Variants in CCDC3 observed in about 807,000 individuals in gnomAD.
CCDC3 encodes the protein coiled-coil domain containing 3.
Under a neutral mutation model 21.4 loss-of-function variants are expected in CCDC3, and 24 were observed. The observed-to-expected ratio is 1.12, with a 90% confidence interval of 0.81 to 1.58. The LOEUF (loss-of-function observed/expected upper bound fraction) is 1.58. Ranked by LOEUF, CCDC3 falls within the 40% of genes most tolerant of loss-of-function variation. CCDC3 has a pLI of 0.00. For synonymous variants in CCDC3, 186 were observed against 166.0 expected, an observed-to-expected ratio of 1.12 and a Z score of -0.93; for missense variants, 425 against 360.9, an observed-to-expected ratio of 1.18 and a Z score of -1.44.
chr10:13,012,896 A>C (rs1836000256), intron 5 of CCDC3, among the ~76,000 whole-genome samples: 1 of 152,216 alleles, frequency 6.6e-6, no homozygotes, highest in Non-Finnish European at 1.5e-5. Flanking sequence ...GTGTACCCTG[A>C]ACCTAAAAAT....
upstream of CCDC3, among the ~76,000 whole-genome samples, chr10:13,003,808 G>C (rs531802890): frequency 1.3e-5 from 2 of 152,250 alleles, no homozygotes; most frequent in African/African-American, 4.8e-5. Flanking sequence ...TTTTTCTCTT[G>C]TTGTATAAAC....
intron 2 of CCDC3, among the ~76,000 whole-genome samples, chr10:12,959,300 T>C (rs777232081): frequency 4.6e-5 from 7 of 152,142 alleles, no homozygotes; most frequent in East Asian, 1.9e-4. Context: ...CCCGACTAGC[T>C]GGGATTATAG....
chr10:13,094,276 GAT>G (rs1832607953), intron 3 of CCDC3, among the ~76,000 whole-genome samples: 1 of 151,686 alleles, frequency 6.6e-6, no homozygotes, highest in African/African-American at 2.4e-5. Context: ...TGATGATGAT[GAT>G]GATGATGATG....
rs1835502168 is a variant in CCDC3 at position 12,981,839 on chromosome 10, G to A, written c.549+16499C>T. Among the ~76,000 whole-genome samples, 3 of 151,920 alleles carry A rather than the reference G, an allele frequency of 2.0e-5. No individual in the cohort carries two copies. In the South Asian group the frequency reaches 6.3e-4, roughly 32 times the overall value. ...TATCCATGAGTTAAAAATGAGAAGT[G>A]AGCGGCTGGGCACGGTGGCTCACCC... is the stretch of plus-strand genomic sequence containing the variant. On this transcript the variant is annotated intron_variant, in intron 2 of 2. Coordinates refer to ENST00000378825, the MANE Select transcript of CCDC3 (RefSeq NM_031455.4).
chr10:13,065,702 C>T (rs59445797), intron 4 of CCDC3, among the ~76,000 whole-genome samples: 2,088 of 152,310 alleles, frequency 0.014, 51 homozygotes, highest in African/African-American at 0.047. Context: ...CACTTGAACC[C>T]ACGTTGACAC....
intron 2 of CCDC3, among the ~76,000 whole-genome samples, chr10:12,996,587 C>T (rs900989249): frequency 6.6e-6 from 1 of 152,160 alleles, no homozygotes; most frequent in Non-Finnish European, 1.5e-5. Context: ...CCCCCCACCT[C>T]GGCCTCCCAA....
chr10:12,915,961 C>G lies in CCDC3; in HGVS notation c.550-17282G>C, dbSNP rs111663744. On this transcript the variant is annotated intron_variant, in intron 2 of 2. Transcript: ENST00000378825. ...TGGGGCAGGTATGGAGCCTGGGTAC[C>G]TGGAGCCATGGGGGCTAGTCTGGAG... Among the ~76,000 whole-genome samples, 960 of 152,144 alleles carry G rather than the reference C, an allele frequency of 6.3e-3. 9 individuals carry two copies. Among genetic ancestry groups the G allele is most frequent in the African/African-American group, 0.022 (909 of 41,512 alleles).
chr10:12,911,140 A>G (rs1331782334), intron 2 of CCDC3, among the ~76,000 whole-genome samples: 1 of 152,134 alleles, frequency 6.6e-6, no homozygotes, highest in African/African-American at 2.4e-5. Context: ...TTCCTGTGTC[A>G]TCTCTGCAGA....
At chr10:13,014,487 GAA>G (rs1836026495) in intron 5 of CCDC3, among the ~76,000 whole-genome samples, 1 of 140,004 alleles carries the variant, frequency 7.1e-6, no homozygotes, top group East Asian at 2.1e-4. Context: ...AAAAAGAAAA[GAA>G]AGAGAGAAAG....
At chr10:13,076,056 T>C (rs939645492) in intron 3 of CCDC3, among the ~76,000 whole-genome samples, 1 of 151,938 alleles carries the variant, frequency 6.6e-6, no homozygotes, top group Non-Finnish European at 1.5e-5. Flanking sequence ...AGCAAGACCC[T>C]ATCTTAAAAC....
chr10:13,000,448 T>C (rs982669608), intron 1 of CCDC3, among the ~76,000 whole-genome samples: 2 of 152,128 alleles, frequency 1.3e-5, no homozygotes, highest in African/African-American at 4.8e-5. Flanking sequence ...CAGTGGTCTA[T>C]AATCAAAGAG....
At chr10:13,094,627 G>A (rs982632195) in intron 3 of CCDC3, among the ~76,000 whole-genome samples, 2 of 152,010 alleles carry the variant, frequency 1.3e-5, no homozygotes, top group East Asian at 3.9e-4. Context: ...ACTTTGGGAG[G>A]CCGAGGTGGA....
At chr10:13,093,285 T>C (rs775690849) in intron 3 of CCDC3, among the ~76,000 whole-genome samples, 1 of 152,040 alleles carries the variant, frequency 6.6e-6, no homozygotes, top group African/African-American at 2.4e-5. Flanking sequence ...GAGAACCAAG[T>C]GAAAGGGGTT....
At position 12,963,718 on chromosome 10, in the gene CCDC3, T is replaced by C. The variant is rs117181496; in HGVS notation, c.549+34620A>G. On this transcript the variant is annotated intron_variant, in intron 2 of 2. Transcript: ENST00000378825. ...CCTCAGCCTCCCATGTAACTGGGAA[T>C]ACAGGCGTGCACCACCCATGCCCAG... 2.8e-3 allele frequency among the ~76,000 whole-genome samples: 429 copies of C among 151,674 alleles called. 9 individuals carry two copies. In the East Asian group the frequency reaches 0.047, roughly 17 times the overall value.
At chr10:13,007,635 T>C (rs989874554) in intron 5 of CCDC3, among the ~76,000 whole-genome samples, 7 of 152,146 alleles carry the variant, frequency 4.6e-5, no homozygotes, top group Non-Finnish European at 8.8e-5. Flanking sequence ...AATTGCCTTA[T>C]AAAAGACACT....
intron 3 of CCDC3, among the ~76,000 whole-genome samples, chr10:13,092,765 C>T (rs1269135602): frequency 6.6e-6 from 1 of 152,212 alleles, no homozygotes; most frequent in Admixed American, 6.5e-5. Context: ...ATGTTGCTGG[C>T]ATCCAGCTGT....
At chr10:13,074,927 A>C (rs531519775) in intron 3 of CCDC3, among the ~76,000 whole-genome samples, 56 of 152,346 alleles carry the variant, frequency 3.7e-4, no homozygotes, top group Non-Finnish European at 4.7e-4. Context: ...GCCTTCTTTA[A>C]GATGCTGGCC....
At chr10:12,953,474 G>T (rs776661315) in intron 2 of CCDC3, among the ~76,000 whole-genome samples, 6 of 152,228 alleles carry the variant, frequency 3.9e-5, no homozygotes, top group Non-Finnish European at 7.3e-5. Flanking sequence ...TTAAAATACA[G>T]AGAGAATACA....
At chr10:12,967,137 A>G (rs1835273467) in intron 2 of CCDC3, among the ~76,000 whole-genome samples, 1 of 152,208 alleles carries the variant, frequency 6.6e-6, no homozygotes, top group Admixed American at 6.5e-5. Context: ...TTGACTTTTT[A>G]AAGGCTGGTT....
Sources: allele counts gnomAD v4.1 joint callset (sites outside exome capture counted in the v4.1 genomes callset), GRCh38; gene constraint gnomAD v4.1.1; transcripts MANE v1.5; gene names NCBI Gene and HGNC (gene_info 2026-07-23, HGNC 2026-07-21).